Variants in NPFFR1 observed in about 807,000 individuals in gnomAD.
NPFFR1 encodes the protein G-protein coupled receptor 147.
In NPFFR1, 17 loss-of-function variants were observed where a neutral mutation model predicts 12.7. That is an observed-to-expected ratio of 1.34 (90% CI 0.92 to 2.01). The LOEUF (loss-of-function observed/expected upper bound fraction) is 2.01. Ranked by LOEUF, NPFFR1 falls within the 30% of genes most tolerant of loss-of-function variation. The probability of loss-of-function intolerance (pLI) is 0.00; values close to 1 mark genes in which losing one functional copy is unlikely to be tolerated. For missense variants in NPFFR1, 604 were observed against 606.5 expected, an observed-to-expected ratio of 1.00 and a Z score of 0.04; for synonymous variants, 296 against 264.5, an observed-to-expected ratio of 1.12 and a Z score of -1.16.
At chr10:70,262,167 A>G (rs1203395732) in intron 2 of NPFFR1, among the ~76,000 whole-genome samples, 5 of 152,144 alleles carry the variant, frequency 3.3e-5, no homozygotes, top group Non-Finnish European at 7.4e-5. Context: ...ATATCTTTGT[A>G]TGGTTCTGAC....
At chr10:70,256,343 A>G (rs559783211) in intron 3 of NPFFR1, among the ~76,000 whole-genome samples, 1 of 152,206 alleles carries the variant, frequency 6.6e-6, no homozygotes, top group African/African-American at 2.4e-5. Context: ...CGGCCTCCCG[A>G]ATTTCTGGGA....
In NPFFR1 at chr10:70,255,868, T is replaced by C. The variant is rs374867678; in HGVS notation, c.423-41A>G. On this transcript the variant is annotated intron_variant, in intron 3 of 3. Coordinates refer to ENST00000277942, the MANE Select transcript of NPFFR1 (RefSeq NM_022146.5). The surrounding 1 kb of genome is among the most constrained non-coding windows in gnomAD (Gnocchi z 4.2). ...AGACAGGCGGGATCTGGGTGGGTCC[T>C]AGGGCCCCTGCGAGGGGACGGTGGG... is the stretch of plus-strand genomic sequence containing the variant. The C allele has an allele frequency of 1.5e-4, 241 of 1,556,928 alleles. No homozygotes were observed. The highest frequency in any genetic ancestry group is 2.0e-4 in the Non-Finnish European group (234 of 1,149,204).
At chr10:70,279,301 C>T (rs1372581912) in intron 1 of NPFFR1, among the ~76,000 whole-genome samples, 2 of 152,026 alleles carry the variant, frequency 1.3e-5, no homozygotes, top group African/African-American at 4.8e-5. Flanking sequence ...TGTGTACCAC[C>T]ACACCCGGCT....
Position 70,251,932 on chromosome 10 carries a change from G to A in NPFFR1, c.*3025C>T, listed in dbSNP as rs1360221854. On this transcript the variant is annotated 3_prime_UTR_variant, in exon 4 of 4. Coordinates refer to ENST00000277942, the MANE Select transcript of NPFFR1 (RefSeq NM_022146.5). ...GCAGAAGCCCAGAGCAGCTGGGGTG[G>A]GCACAGGGAAGTGAGACACATCACA... is the stretch of plus-strand genomic sequence containing the variant. 6.6e-6 allele frequency: 1 copy of A among 152,230 alleles called. No homozygotes were observed. Among genetic ancestry groups the A allele is most frequent in the East Asian group, 1.9e-4 (1 of 5,198 alleles). 9.4% of individuals were successfully genotyped at this position (152,230 alleles called of 1,614,324 possible).
rs1054585534 is a variant in NPFFR1, at chr10:70,252,149, T to G, written c.*2808A>C. The G allele has an allele frequency of 6.6e-6, 1 of 152,206 alleles. No individual in the cohort carries two copies. The highest frequency in any genetic ancestry group is 2.4e-5 in the African/African-American group (1 of 41,450). 9.4% of individuals were successfully genotyped at this position (152,206 alleles called of 1,614,324 possible). A position where few individuals can be genotyped will look rare whatever the true frequency, so the allele number is the denominator to read the frequency against. On this transcript the variant is annotated 3_prime_UTR_variant, in exon 4 of 4. Transcript: ENST00000277942. ...AACAACCTAAGTGTCCACTGATGGA[T>G]GAATGAACAAAATGAGGACTATCTA...
intron 1 of NPFFR1, among the ~76,000 whole-genome samples, chr10:70,273,074 G>A (rs958662116): frequency 6.6e-6 from 1 of 152,162 alleles, no homozygotes; most frequent in African/African-American, 2.4e-5. Context: ...AAACTGATAC[G>A]TGTGATAAAA....
intron 1 of NPFFR1, among the ~76,000 whole-genome samples, chr10:70,278,237 G>A (rs943240304): frequency 2.0e-5 from 3 of 152,034 alleles, no homozygotes; most frequent in African/African-American, 7.2e-5. Flanking sequence ...ACGTCCCAGG[G>A]TATCCAGCAA....
chr10:70,249,933 GAC>G lies in NPFFR1; in HGVS notation c.*5022_*5023del, dbSNP rs1217694734. On this transcript the variant is annotated 3_prime_UTR_variant, in exon 4 of 4. Transcript: ENST00000277942. Reference sequence around the variant, plus strand: ...TCTTTCTTTTTTTTTTTTTTTTTGAGACAGTCTTGCTCTGTCACCCAGGTTGG... The same window carrying G: ...TCTTTCTTTTTTTTTTTTTTTTTGAGAGTCTTGCTCTGTCACCCAGGTTGG... 3 of 117,504 alleles carry G rather than the reference GAC, an allele frequency of 2.6e-5. No individual in the cohort carries two copies. The East Asian group carries it at 7.2e-4, about 28-fold the overall frequency. The allele number at this position is 117,504 out of a possible 1,614,324, so 7.3% of individuals were successfully genotyped here.
intron 3 of NPFFR1, among the ~76,000 whole-genome samples, chr10:70,259,029 C>T (rs1840605649): frequency 6.6e-6 from 1 of 152,064 alleles, no homozygotes; most frequent in Non-Finnish European, 1.5e-5. Context: ...AGAATAGTGG[C>T]TTATGTCAGC....
At chr10:70,257,272 A>G (rs1840581982) in intron 3 of NPFFR1, among the ~76,000 whole-genome samples, 1 of 152,228 alleles carries the variant, frequency 6.6e-6, no homozygotes, top group Non-Finnish European at 1.5e-5. Context: ...TTTGAAAAAG[A>G]CTTGTACTTT....
intron 2 of NPFFR1, among the ~76,000 whole-genome samples, chr10:70,263,638 G>A (rs1589911652): frequency 6.6e-6 from 1 of 152,142 alleles, no homozygotes; most frequent in South Asian, 2.1e-4. Context: ...CTGCCTATGG[G>A]TCAGAGAAGA....
rs1840487485 is a variant in NPFFR1, at chr10:70,249,424, A to G, written c.*5533T>C. 6.6e-6 allele frequency: 1 copy of G among 151,924 alleles called. No homozygotes were observed. The highest frequency in any genetic ancestry group is 2.1e-4 in the South Asian group (1 of 4,826). 9.4% of individuals were successfully genotyped at this position (151,924 alleles called of 1,614,324 possible). A position where few individuals can be genotyped will look rare whatever the true frequency, so the allele number is the denominator to read the frequency against. ...CAAAAAAAAAAAAATTATATTCACA[A>G]AAAAATCCCTTAGAGTTAGGGCAAG... is the stretch of plus-strand genomic sequence containing the variant. On this transcript the variant is annotated 3_prime_UTR_variant, in exon 4 of 4. Coordinates refer to ENST00000277942, the MANE Select transcript of NPFFR1 (RefSeq NM_022146.5).
At chr10:70,262,568 T>C (rs2136796459) in intron 2 of NPFFR1, among the ~76,000 whole-genome samples, 1 of 152,312 alleles carries the variant, frequency 6.6e-6, no homozygotes, top group Middle Eastern at 3.4e-3. Context: ...ATGTGTATAC[T>C]AAGATTGAAC....
At chr10:70,259,790 G>A (rs888622192) in intron 3 of NPFFR1, among the ~76,000 whole-genome samples, 4 of 152,254 alleles carry the variant, frequency 2.6e-5, no homozygotes, top group African/African-American at 9.6e-5. Flanking sequence ...CTGTGCATAA[G>A]CTTTTACAAG....
At chr10:70,265,643 T>C (rs1329802052) in intron 2 of NPFFR1, among the ~76,000 whole-genome samples, 1 of 152,356 alleles carries the variant, frequency 6.6e-6, no homozygotes, top group East Asian at 1.9e-4. Flanking sequence ...ATTCTGCCCA[T>C]GCGAGCTCCG....
In NPFFR1 at chr10:70,255,356, G is replaced by A. The variant is rs147150215; in HGVS notation, c.894C>T (p.Leu298=). 399 of 1,562,558 alleles carry A rather than the reference G, an allele frequency of 2.6e-4. 3 individuals carry two copies. The African/African-American group carries it at 4.6e-3, about 18-fold the overall frequency. ...TGACCAGGTGCAGCTGCGGCGCGCT[G>A]AGCTGCCCGTAGTCGATGAGCAGCA... ...ALLLLIDYGQ[L]SAPQLHLVTV... The change falls in exon 4 of 4, where the codon CTC becomes CTT. Residue 298 remains leucine, a synonymous_variant. Coordinates refer to ENST00000277942, the MANE Select transcript of NPFFR1 (RefSeq NM_022146.5). This position sits in a 1 kb window ranked among gnomAD's most constrained non-coding sequence, Gnocchi z 4.2.
chr10:70,266,517 G>A (rs1195355727), intron 1 of NPFFR1, 126 bp from the exon 2 acceptor site: 3 of 734,644 alleles, frequency 4.1e-6, no homozygotes, highest in African/African-American at 1.8e-5. Flanking sequence ...CATGTCCCCA[G>A]CTCCAGTTGC....
At chr10:70,259,471 A>C (rs1840612358) in intron 3 of NPFFR1, among the ~76,000 whole-genome samples, 1 of 151,830 alleles carries the variant, frequency 6.6e-6, no homozygotes, top group African/African-American at 2.4e-5. Context: ...CCACTGGGAG[A>C]AGTTGTACAC....
At chr10:70,259,299 A>AAAAGAAAG in intron 3 of NPFFR1, among the ~76,000 whole-genome samples, 1 of 151,908 alleles carries the variant, frequency 6.6e-6, no homozygotes, top group South Asian at 2.1e-4. Flanking sequence ...TCAAAAAAAA[A>AAAAGAAAG]AAAGAAAGAA....
Sources: allele counts gnomAD v4.1 joint callset (sites outside exome capture counted in the v4.1 genomes callset), GRCh38; gene constraint gnomAD v4.1.1; non-coding constraint Gnocchi (gnomAD v3.1); transcripts MANE v1.5; gene names NCBI Gene and HGNC (gene_info 2026-07-23, HGNC 2026-07-21).